SLC35F2: variants seen among roughly 807,000 people sequenced by gnomAD.
SLC35F2 encodes queuine/queuosine transporter SLC35F2.
Under a neutral mutation model 38.1 loss-of-function variants are expected in SLC35F2, and 25 were observed. The observed-to-expected ratio is 0.66, with a 90% CI of 0.48 to 0.92. SLC35F2 has a LOEUF of 0.92. Among genes scored for constraint, SLC35F2 ranks in the 40% least tolerant of loss-of-function variants. SLC35F2 has a pLI of 0.00. For missense variants in SLC35F2, 409 were observed against 452.9 expected, an observed-to-expected ratio of 0.90 and a Z score of 0.88; for synonymous variants, 173 against 181.7, an observed-to-expected ratio of 0.95 and a Z score of 0.38.
At position 107,805,368 on chromosome 11, in the gene SLC35F2, C is replaced by G; in HGVS notation, c.722G>C (p.Gly241Ala). ...AATTGTAGAATCTTACAGCTGTATA[C>G]CACTGATAATTGTTCCAAACAGGCC... ...MVGLFGTIIS[G>A]IQLLIVEYKD... is the part of the protein sequence containing the mutation. The change falls in exon 5 of 8, where the codon GGT (glycine) becomes GCT (alanine). Residue 241 changes from glycine to alanine, a missense_variant. Gly to Ala is a moderately conservative substitution (Grantham distance 60). Transcript: ENST00000525815. 1 of 1,613,214 alleles carries G rather than the reference C, an allele frequency of 6.2e-7. No homozygotes were observed. The highest frequency in any genetic ancestry group is 8.5e-7 in the Non-Finnish European group (1 of 1,179,730).
intron 1 of SLC35F2, among the ~76,000 whole-genome samples, chr11:107,826,693 A>G (rs1333299663): frequency 1.3e-5 from 2 of 152,248 alleles, no homozygotes; most frequent in Non-Finnish European, 2.9e-5. Flanking sequence ...AACAAAAATT[A>G]AATTTAAAAA....
rs138285693 is a variant in SLC35F2 at position 107,799,722 on chromosome 11, G to A, written c.939+3279C>T. ...TCTCCTGCTGGGACTACAGATGCAC[G>A]CCACCACTCCAAGCTAATTTTTGTA... On this transcript the variant is annotated intron_variant, in intron 7 of 7. Transcript: ENST00000525815. 6.6e-5 allele frequency among the ~76,000 whole-genome samples: 10 copies of A among 151,698 alleles called. No individual in the cohort carries two copies. The East Asian group carries it at 1.8e-3, about 27-fold the overall frequency.
At chr11:107,806,567 T>C (rs776173391) in intron 4 of SLC35F2, 150 bp downstream of exon 4, 1 of 702,160 alleles carries the variant, frequency 1.4e-6, no homozygotes, top group Non-Finnish European at 2.6e-6. Context: ...TACTATCAAC[T>C]GAATTCAACA....
intron 1 of SLC35F2, among the ~76,000 whole-genome samples, chr11:107,844,868 CG>C (rs1340155665): frequency 1.3e-5 from 2 of 148,854 alleles, no homozygotes; most frequent in Non-Finnish European, 3.0e-5. Flanking sequence ...CCCAGCTACT[CG>C]GGAGGCTAAG....
intron 3 of SLC35F2, among the ~76,000 whole-genome samples, chr11:107,809,410 C>G (rs930815726): frequency 7.0e-6 from 1 of 142,418 alleles, no homozygotes; most frequent in African/African-American, 2.6e-5. Flanking sequence ...TGCAGTGAAC[C>G]AAGATTATCC....
chr11:107,845,674 T>A (rs748900233), intron 1 of SLC35F2, among the ~76,000 whole-genome samples: 15 of 150,248 alleles, frequency 1.0e-4, no homozygotes, highest in Non-Finnish European at 1.9e-4. Flanking sequence ...AGGCTCTGGC[T>A]GGGCACGGTG....
chr11:107,803,212 A>G lies in SLC35F2; in HGVS notation c.785-57T>C, dbSNP rs1859341733. 5.3e-6 allele frequency: 8 copies of G among 1,518,190 alleles called. No individual in the cohort carries two copies. In the East Asian group the frequency reaches 2.0e-4, roughly 37 times the overall value. The allele number at this position is 1,518,190 out of a possible 1,614,324, so 94.0% of individuals were successfully genotyped here. A position where few individuals can be genotyped will look rare whatever the true frequency, so the allele number is the denominator to read the frequency against. The stretch of plus-strand genomic sequence containing the variant: ...AGGGCAAGAAAACATAAGACAAAGG[A>G]GTTTGAGGCTTAGCTGTCATATAAA... On this transcript the variant is annotated intron_variant, in intron 6 of 7. Transcript: ENST00000525815.
chr11:107,829,663 C>A (rs1859806070), intron 1 of SLC35F2, among the ~76,000 whole-genome samples: 2 of 146,864 alleles, frequency 1.4e-5, no homozygotes, highest in African/African-American at 2.6e-5. Context: ...GTACATAATA[C>A]CTATGAAATC....
chr11:107,795,235 G>T (rs188323753), intron 7 of SLC35F2, among the ~76,000 whole-genome samples: 1 of 152,194 alleles, frequency 6.6e-6, no homozygotes, highest in Non-Finnish European at 1.5e-5. Flanking sequence ...AATAGCCAAA[G>T]CAATGCTGGG....
intron 3 of SLC35F2, chr11:107,810,900 C>T (rs938983680): frequency 1.0e-6 from 1 of 980,272 alleles, no homozygotes; most frequent in African/African-American, 1.8e-5. Context: ...GAGAAAGGGA[C>T]ATATCAAAAA....
At chr11:107,839,475 A>G (rs1385633507) in intron 1 of SLC35F2, among the ~76,000 whole-genome samples, 1 of 152,168 alleles carries the variant, frequency 6.6e-6, no homozygotes, top group Non-Finnish European at 1.5e-5. Context: ...AAAGAAAAAG[A>G]AAACATATTA....
At chr11:107,802,926 A>T (rs990976205) in intron 7 of SLC35F2, 75 bp downstream of exon 7, 1 of 1,365,798 alleles carries the variant, frequency 7.3e-7, no homozygotes, top group Non-Finnish European at 9.8e-7. Context: ...TTTTTGATCT[A>T]GAGTCTTGAA....
chr11:107,802,900 G>T (rs950713795), intron 7 of SLC35F2, 101 bp downstream of exon 7: 3 of 1,171,402 alleles, frequency 2.6e-6, no homozygotes, highest in Non-Finnish European at 3.5e-6. Flanking sequence ...TTGCCAAGAA[G>T]ATGAGAAGGT....
chr11:107,808,275 T>C (rs1203679154), intron 3 of SLC35F2, among the ~76,000 whole-genome samples: 1 of 152,104 alleles, frequency 6.6e-6, no homozygotes, highest in African/African-American at 2.4e-5. Flanking sequence ...GCTATACACC[T>C]GATATTGCTC....
intron 1 of SLC35F2, among the ~76,000 whole-genome samples, chr11:107,845,414 G>A (rs368450875): frequency 3.3e-5 from 5 of 151,460 alleles, no homozygotes; most frequent in East Asian, 2.0e-4. Context: ...CCAGCTACTC[G>A]GGAGGCTGAG....
intron 7 of SLC35F2, among the ~76,000 whole-genome samples, chr11:107,800,701 T>C (rs1859293868): frequency 6.6e-6 from 1 of 152,072 alleles, no homozygotes; most frequent in Non-Finnish European, 1.5e-5. Flanking sequence ...CTTCAGTCTC[T>C]CTCTGGAGTG....
At chr11:107,806,616 A>T in intron 4 of SLC35F2, 101 bp downstream of exon 4, 1 of 1,110,396 alleles carries the variant, frequency 9.0e-7, no homozygotes, top group Non-Finnish European at 1.4e-6. Flanking sequence ...ACAGTGACTT[A>T]AAAAGAAATA....
At chr11:107,800,903 CTTTTTTTTT>C (rs71303238) in intron 7 of SLC35F2, among the ~76,000 whole-genome samples, 2 of 126,202 alleles carry the variant, frequency 1.6e-5, no homozygotes, top group Non-Finnish European at 1.6e-5. Context: ...GCTATTACTA[CTTTTTTTTT>C]TTTTTTTTTT....
At chr11:107,801,905 T>G (rs1445496207) in intron 7 of SLC35F2, among the ~76,000 whole-genome samples, 1 of 152,168 alleles carries the variant, frequency 6.6e-6, no homozygotes, top group Non-Finnish European at 1.5e-5. Context: ...GTCACTGAGC[T>G]ACACATCACC....
Sources: allele counts gnomAD v4.1 joint callset (sites outside exome capture counted in the v4.1 genomes callset), GRCh38; gene constraint gnomAD v4.1.1; transcripts MANE v1.5; gene names NCBI Gene and HGNC (gene_info 2026-07-23, HGNC 2026-07-21).